The following OCM variants were observed in gnomAD, a reference collection of about 807,000 sequenced individuals.
The protein encoded by OCM is oncomodulin-1.
A neutral mutation model predicts 14.1 loss-of-function variants in OCM; 18 were observed. That is an observed-to-expected ratio of 1.28 (90% CI 0.88 to 1.89). The LOEUF (loss-of-function observed/expected upper bound fraction) is 1.89. Ranked by LOEUF, OCM falls within the 40% of genes most tolerant of loss-of-function variation. The probability of loss-of-function intolerance (pLI) is 0.00; values close to 1 mark genes in which losing one functional copy is unlikely to be tolerated. For synonymous variants in OCM, 48 were observed against 51.0 expected (o/e 0.94, Z 0.25); for missense variants, 140 against 137.6 (o/e 1.02, Z -0.09).
chr7:5,861,110 G>A, the OCM span, among the ~76,000 whole-genome samples: 2 of 151,942 alleles, frequency 1.3e-5, no homozygotes, highest in Non-Finnish European at 2.9e-5. Flanking sequence ...ATGGGAGGGA[G>A]ATGTGCTTTA....
the OCM span, among the ~76,000 whole-genome samples, chr7:5,867,685 A>G: frequency 2.0e-5 from 3 of 149,900 alleles, no homozygotes; most frequent in African/African-American, 2.5e-5. Flanking sequence ...TTCTTCCAGA[A>G]TTGTTTCTCT....
chr7:5,882,368 T>C, intron 1 of OCM, 125 bp from the exon 2 acceptor site: 3 of 1,159,394 alleles, frequency 2.6e-6, no homozygotes. Context: ...CTTGGACCAG[T>C]TGAGCATCCC....
At chr7:5,875,991 A>G (rs1781087491), upstream of OCM, among the ~76,000 whole-genome samples, 1 of 151,868 alleles carries the variant, frequency 6.6e-6, no homozygotes, top group Non-Finnish European at 1.5e-5. Context: ...ATGCGCCACC[A>G]TGCCTAGCTG....
At chr7:5,870,538 C>T in the OCM span, among the ~76,000 whole-genome samples, 2 of 152,198 alleles carry the variant, frequency 1.3e-5, no homozygotes, top group African/African-American at 4.8e-5. Context: ...AGCCATTACT[C>T]CAGGCCGTGT....
the OCM span, among the ~76,000 whole-genome samples, chr7:5,860,917 T>A: frequency 6.6e-6 from 1 of 151,666 alleles, no homozygotes; most frequent in Admixed American, 6.6e-5. Flanking sequence ...AACATTGATT[T>A]AGTGACCACA....
the OCM span, among the ~76,000 whole-genome samples, chr7:5,865,427 A>T: frequency 0.6 from 91,659 of 151,976 alleles, 30,312 homozygotes; most frequent in African/African-American, 0.89. Context: ...AACCCTAGAA[A>T]GTGGAGGAGA....
In OCM at chr7:5,886,056, T is replaced by G. The variant is rs1389502869; in HGVS notation, c.305-8T>G. ...CCACTGACCCTGTTCTCACCTCTTCTGTTCTAGAATTCCAGGAAATGGTGC... is the reference window on the plus strand; with the variant it reads ...CCACTGACCCTGTTCTCACCTCTTCGGTTCTAGAATTCCAGGAAATGGTGC... On this transcript the variant is annotated splice_polypyrimidine_tract_variant and splice_region_variant and intron_variant, in intron 3 of 3. Coordinates refer to ENST00000242104, the MANE Select transcript of OCM (RefSeq NM_001097622.2). 6.2e-7 allele frequency: 1 copy of G among 1,614,028 alleles called. No homozygotes were observed. Among genetic ancestry groups the G allele is most frequent in the African/African-American group, 1.3e-5 (1 of 74,926 alleles).
the OCM span, among the ~76,000 whole-genome samples, chr7:5,864,212 G>T: frequency 4.0e-5 from 6 of 151,658 alleles, no homozygotes; most frequent in African/African-American, 1.2e-4. Flanking sequence ...GGTGGTGCAT[G>T]CCTGTGGTCC....
At chr7:5,872,812 A>G in the OCM span, among the ~76,000 whole-genome samples, 1 of 152,100 alleles carries the variant, frequency 6.6e-6, no homozygotes, top group Non-Finnish European at 1.5e-5. Context: ...CCTTCTCTCC[A>G]CTATTATCCT....
intron 2 of OCM, among the ~76,000 whole-genome samples, chr7:5,883,258 C>T (rs1293078629): frequency 6.6e-6 from 1 of 152,150 alleles, no homozygotes; most frequent in Non-Finnish European, 1.5e-5. Flanking sequence ...GACTGAAGCA[C>T]AAGAATTGCT....
At chr7:5,881,912 C>G (rs1257298532) in intron 1 of OCM, among the ~76,000 whole-genome samples, 1 of 151,676 alleles carries the variant, frequency 6.6e-6, no homozygotes, top group South Asian at 2.1e-4. Context: ...CATGGCAAAA[C>G]CCTGTCTCTA....
Position 5,880,909 on chromosome 7 carries a change from T to C in OCM, c.20T>C (p.Leu7Pro). 1 of 1,614,026 alleles carries C rather than the reference T, an allele frequency of 6.2e-7. No individual in the cohort carries two copies. Among genetic ancestry groups the C allele is most frequent in the Non-Finnish European group, 8.5e-7 (1 of 1,179,968 alleles). ...TAGAAAATGAGCATCACGGACGTGC[T>C]CAGTGCTGACGACATTGCAGCAGCG... MSITDV[L>P]SADDIAAALQ... The change falls in exon 1 of 4, where the codon CTC becomes CCC. Residue 7 changes from leucine to proline, a missense_variant. Coordinates refer to ENST00000242104, the MANE Select transcript of OCM (RefSeq NM_001097622.2).
the OCM span, among the ~76,000 whole-genome samples, chr7:5,870,535 A>G: frequency 6.6e-6 from 1 of 152,010 alleles, no homozygotes; most frequent in Non-Finnish European, 1.5e-5. Context: ...ATAAGCCATT[A>G]CTCCAGGCCG....
At chr7:5,884,408 G>A (rs1426260695) in intron 3 of OCM, among the ~76,000 whole-genome samples, 2 of 152,186 alleles carry the variant, frequency 1.3e-5, no homozygotes, top group African/African-American at 4.8e-5. Flanking sequence ...CCATTGGCAT[G>A]CGTAGGAAGC....
In OCM at chr7:5,886,147, GC is replaced by G. The variant is rs1293055959; in HGVS notation, c.*61del. On this transcript the variant is annotated 3_prime_UTR_variant, in exon 4 of 4. Coordinates refer to ENST00000242104, the MANE Select transcript of OCM (RefSeq NM_001097622.2). ...GATAATCACCTGGAAGGATTCCAAA[GC>G]CCTGGGAATGGGGAACCCCACATCC... The G allele has an allele frequency of 6.5e-7, 1 of 1,534,132 alleles. No individual in the cohort carries two copies. The highest frequency in any genetic ancestry group is 9.0e-7 in the Non-Finnish European group (1 of 1,111,168).
At chr7:5,865,937 A>C in the OCM span, among the ~76,000 whole-genome samples, 1 of 152,140 alleles carries the variant, frequency 6.6e-6, no homozygotes, top group African/African-American at 2.4e-5. Context: ...AGTTGTCTTC[A>C]TTTGGATAAA....
At chr7:5,872,995 G>A in the OCM span, among the ~76,000 whole-genome samples, 2 of 152,164 alleles carry the variant, frequency 1.3e-5, no homozygotes, top group African/African-American at 2.4e-5. Flanking sequence ...TTGAGCCCAG[G>A]AGGTCAAGGC....
chr7:5,870,805 C>T, the OCM span, among the ~76,000 whole-genome samples: 6 of 152,136 alleles, frequency 3.9e-5, no homozygotes, highest in Non-Finnish European at 1.5e-5. Context: ...ATCTGGGCAC[C>T]CCATGGCCCA....
intron 3 of OCM, among the ~76,000 whole-genome samples, chr7:5,885,012 C>CG (rs1781303853): frequency 6.6e-6 from 1 of 151,652 alleles, no homozygotes; most frequent in South Asian, 2.1e-4. Flanking sequence ...CCCAACTACT[C>CG]GGGAAGCTGA....
Sources: allele counts gnomAD v4.1 joint callset (sites outside exome capture counted in the v4.1 genomes callset), GRCh38; gene constraint gnomAD v4.1.1; transcripts MANE v1.5; gene names NCBI Gene and HGNC (gene_info 2026-07-23, HGNC 2026-07-21).